Variants in LRBA observed in about 807,000 individuals in gnomAD.
LRBA encodes LPS responsive beige-like anchor protein, also known as lipopolysaccharide-responsive and beige-like anchor protein.
Under a neutral mutation model 330.0 loss-of-function variants are expected in LRBA, and 176 were observed. The observed-to-expected ratio is 0.53, with a 90% CI of 0.47 to 0.60. LRBA has a LOEUF of 0.60. Among genes scored for constraint, LRBA ranks in the 20% least tolerant of loss-of-function variants. The pLI is 0.00. For synonymous variants in LRBA, 1,230 were observed against 1,193.0 expected (o/e 1.03, Z -0.64); for missense variants, 3,259 against 3,444.8 (o/e 0.95, Z 1.35).
At chr4:150,538,016 C>T (rs1188551664) in intron 40 of LRBA, among the ~76,000 whole-genome samples, 1 of 151,840 alleles carries the variant, frequency 6.6e-6, no homozygotes, top group Non-Finnish European at 1.5e-5. Context: ...AATGTGCAAC[C>T]AACAAATATA....
At position 150,523,956 on chromosome 4, in the gene LRBA, C is replaced by T. The variant is rs145792318; in HGVS notation, c.6331-32921G>A. Among the ~76,000 whole-genome samples, 7 of 152,172 alleles carry T rather than the reference C, an allele frequency of 4.6e-5. No individual in the cohort carries two copies. The South Asian group carries it at 1.5e-3, about 32-fold the overall frequency. ...TTTCCTGCTTCTTTGCATGTCTAGT[C>T]ATTTTGTGTGTTAGACATTATGGAC... On this transcript the variant is annotated intron_variant, in intron 40 of 56. Transcript: ENST00000651943.
intron 2 of LRBA, among the ~76,000 whole-genome samples, chr4:150,990,542 A>G (rs959350050): frequency 6.6e-6 from 1 of 151,476 alleles, no homozygotes; most frequent in East Asian, 1.9e-4. Context: ...AGCCTAGGCA[A>G]GACAACAAAA....
rs533872435 is a variant in LRBA, at chr4:150,947,512, T to C, written c.217-18447A>G. Among the ~76,000 whole-genome samples, 4 of 151,418 alleles carry C rather than the reference T, an allele frequency of 2.6e-5. No individual in the cohort carries two copies. In the East Asian group the frequency reaches 7.8e-4, roughly 29 times the overall value. On this transcript the variant is annotated intron_variant, in intron 2 of 56. Transcript: ENST00000651943. Reference sequence around the variant, plus strand: ...TATTGAGGATAAAAACTCAGAAAAATGGAAACAAAAAAAAACTTCAACTTG... The same window carrying C: ...TATTGAGGATAAAAACTCAGAAAAACGGAAACAAAAAAAAACTTCAACTTG...
chr4:150,958,845 G>A (rs1481048530), intron 2 of LRBA, among the ~76,000 whole-genome samples: 1 of 149,082 alleles, frequency 6.7e-6, no homozygotes, highest in Non-Finnish European at 1.5e-5. Flanking sequence ...ACCTCAGCCT[G>A]GACTTTATCG....
chr4:150,498,732 A>G (rs1291421031), intron 40 of LRBA, among the ~76,000 whole-genome samples: 2 of 152,206 alleles, frequency 1.3e-5, no homozygotes, highest in Admixed American at 6.5e-5. Flanking sequence ...CCACAATGTC[A>G]ATATCATTGT....
intron 46 of LRBA, among the ~76,000 whole-genome samples, chr4:150,435,212 G>A (rs958049645): frequency 2.0e-5 from 3 of 152,024 alleles, no homozygotes; most frequent in African/African-American, 2.4e-5. Flanking sequence ...CTAGCCAGGC[G>A]TTGTGGCAGA....
At chr4:150,456,261 G>A (rs952249102) in intron 44 of LRBA, among the ~76,000 whole-genome samples, 1 of 152,158 alleles carries the variant, frequency 6.6e-6, no homozygotes, top group Non-Finnish European at 1.5e-5. Context: ...GTTCTCCACA[G>A]TGGTTGCACT....
chr4:150,922,455 T>G (rs1733403832), intron 4 of LRBA, among the ~76,000 whole-genome samples: 1 of 149,650 alleles, frequency 6.7e-6, no homozygotes, highest in Admixed American at 6.7e-5. Context: ...AAATAAATTA[T>G]CAGCATTTGC....
At chr4:150,408,281 ATTAG>A (rs981788266) in intron 47 of LRBA, among the ~76,000 whole-genome samples, 30 of 152,150 alleles carry the variant, frequency 2.0e-4, no homozygotes, top group African/African-American at 6.3e-4. Flanking sequence ...ATAAAAATAA[ATTAG>A]TTAAATGGAC....
chr4:150,632,348 TA>T (rs1777474077), intron 37 of LRBA, among the ~76,000 whole-genome samples: 1 of 152,022 alleles, frequency 6.6e-6, no homozygotes, highest in South Asian at 2.1e-4. Flanking sequence ...CAACTCTAAA[TA>T]GCAGAATTAG....
At chr4:150,966,034 T>C (rs1319829958) in intron 2 of LRBA, among the ~76,000 whole-genome samples, 1 of 152,214 alleles carries the variant, frequency 6.6e-6, no homozygotes, top group Non-Finnish European at 1.5e-5. Flanking sequence ...CCACAGGTAC[T>C]GGATGAGATA....
intron 40 of LRBA, among the ~76,000 whole-genome samples, chr4:150,512,053 A>T (rs1222679042): frequency 6.6e-6 from 1 of 152,246 alleles, no homozygotes; most frequent in Non-Finnish European, 1.5e-5. Context: ...ACATCACAGA[A>T]CTCAATAAAT....
intron 56 of LRBA, 68 bp downstream of exon 56, chr4:150,277,785 A>G (rs2126741260): frequency 2.0e-6 from 3 of 1,493,792 alleles, no homozygotes; most frequent in Non-Finnish European, 1.8e-6. Flanking sequence ...TACAGGTGTA[A>G]GCCAACACGA....
intron 47 of LRBA, among the ~76,000 whole-genome samples, chr4:150,357,042 GA>G (rs1737937586): frequency 6.6e-6 from 1 of 151,932 alleles, no homozygotes; most frequent in Non-Finnish European, 1.5e-5. Flanking sequence ...TTTAAAAAAT[GA>G]AATTTAGTCA....
At chr4:150,585,994 G>A (rs979700259) in intron 40 of LRBA, among the ~76,000 whole-genome samples, 7 of 152,110 alleles carry the variant, frequency 4.6e-5, no homozygotes, top group African/African-American at 1.7e-4. Context: ...TATCAGTTCT[G>A]AAATCATCTC....
At chr4:150,802,835 C>T in intron 33 of LRBA, among the ~76,000 whole-genome samples, 1 of 151,766 alleles carries the variant, frequency 6.6e-6, no homozygotes, top group Non-Finnish European at 1.5e-5. Flanking sequence ...TCAGCCTGGG[C>T]AATGTGGCGA....
intron 47 of LRBA, among the ~76,000 whole-genome samples, chr4:150,373,168 T>TGAGAGAGAGAGAGAGA: frequency 1.8e-5 from 2 of 111,550 alleles, no homozygotes; most frequent in African/African-American, 6.4e-5. Context: ...TGTGTGTGTG[T>TGAGAGAGAGAGAGAGA]GTGTGAGAGA....
chr4:150,420,263 T>C (rs904341429), intron 46 of LRBA, among the ~76,000 whole-genome samples: 5 of 146,258 alleles, frequency 3.4e-5, no homozygotes, highest in African/African-American at 1.3e-4. Context: ...ATTATACATA[T>C]ATGGTATATA....
intron 34 of LRBA, among the ~76,000 whole-genome samples, chr4:150,788,831 T>C (rs899734446): frequency 2.7e-5 from 4 of 148,322 alleles, no homozygotes; most frequent in Non-Finnish European, 5.9e-5. Context: ...TCCCAGCACA[T>C]TGGGAGGCTG....
Sources: gnomAD v4.1 joint callset for allele counts (sites outside exome capture counted in the v4.1 genomes callset) on GRCh38, gnomAD v4.1.1 for gene constraint, MANE v1.5 for transcripts, NCBI Gene and HGNC (gene_info 2026-07-23, HGNC 2026-07-21) for gene names.